PPFIBP2: variants seen among roughly 807,000 people sequenced by gnomAD.
PPFIBP2 encodes liprin-beta-2.
In PPFIBP2, 118 loss-of-function variants were observed where a neutral mutation model predicts 118.3. The ratio of observed to expected loss-of-function variants is 1.00; its 90% CI spans 0.86 to 1.16. The LOEUF (loss-of-function observed/expected upper bound fraction) is 1.16, where lower values mean the gene tolerates loss of function less well. Ranked by LOEUF, PPFIBP2 falls within the 50% of genes most tolerant of loss-of-function variation. The pLI is 0.00. For synonymous variants in PPFIBP2, 414 were observed against 397.4 expected (o/e 1.04, Z -0.50); for missense variants, 1,195 against 1,073.1 (o/e 1.11, Z -1.59).
the PPFIBP2 span, among the ~76,000 whole-genome samples, chr11:7,663,829 G>A: frequency 3.3e-5 from 5 of 152,232 alleles, no homozygotes; most frequent in African/African-American, 1.2e-4. Context: ...CTCCCAGCCA[G>A]GTGCGGGATA....
At chr11:7,665,911 TAGGG>T in the PPFIBP2 span, 3 of 1,535,964 alleles carry the variant, frequency 2.0e-6, no homozygotes, top group East Asian at 7.3e-5. Context: ...AATTGCTCAG[TAGGG>T]TAGCGCCCTC....
intron 2 of PPFIBP2, among the ~76,000 whole-genome samples, chr11:7,558,137 C>T (rs570800838): frequency 6.6e-6 from 1 of 152,172 alleles, no homozygotes; most frequent in South Asian, 2.1e-4. Context: ...AGGTTTATTT[C>T]TTGTACACAT....
intron 17 of PPFIBP2, among the ~76,000 whole-genome samples, 173 bp downstream of exon 17, chr11:7,642,599 GT>G (rs1852364506): frequency 6.6e-6 from 1 of 152,096 alleles, no homozygotes; most frequent in South Asian, 2.1e-4. Flanking sequence ...TATCTCCTAA[GT>G]TCTGAGTTAC....
chr11:7,608,169 A>G (rs1274208067), intron 5 of PPFIBP2, among the ~76,000 whole-genome samples: 4 of 152,242 alleles, frequency 2.6e-5, no homozygotes, highest in Non-Finnish European at 2.9e-5. Flanking sequence ...TATGTGCTCA[A>G]TGAAATCTTG....
chr11:7,606,229 A>G (rs925383078), intron 5 of PPFIBP2, among the ~76,000 whole-genome samples: 1 of 152,226 alleles, frequency 6.6e-6, no homozygotes, highest in African/African-American at 2.4e-5. Context: ...GTGGTCTCCA[A>G]TTGAAATGAC....
chr11:7,666,388 A>G, the PPFIBP2 span: 1 of 1,018,224 alleles, frequency 9.8e-7, no homozygotes, highest in East Asian at 2.4e-5. Context: ...GACAGAGACC[A>G]GTCCTCAAAG....
intron 12 of PPFIBP2, 114 bp downstream of exon 12, chr11:7,633,048 C>T (rs889068915): frequency 2.0e-5 from 18 of 910,698 alleles, no homozygotes; most frequent in Middle Eastern, 3.1e-4. Flanking sequence ...GTCCTAGGTG[C>T]ACCTGCCCCT....
At chr11:7,519,562 C>A (rs1849551037) in intron 1 of PPFIBP2, among the ~76,000 whole-genome samples, 1 of 152,112 alleles carries the variant, frequency 6.6e-6, no homozygotes, top group Non-Finnish European at 1.5e-5. Flanking sequence ...GGATATCTTG[C>A]CTGAGGCCTA....
intron 14 of PPFIBP2, among the ~76,000 whole-genome samples, chr11:7,638,631 ATC>A (rs1169999747): frequency 2.0e-5 from 3 of 152,202 alleles, no homozygotes; most frequent in African/African-American, 4.8e-5. Context: ...CCAGTTTGAA[ATC>A]TGTTTTGTTT....
At chr11:7,575,808 G>A (rs1032602425) in intron 3 of PPFIBP2, among the ~76,000 whole-genome samples, 1 of 152,214 alleles carries the variant, frequency 6.6e-6, no homozygotes, top group African/African-American at 2.4e-5. Flanking sequence ...GCCATAGCAC[G>A]GGCAGGGAAC....
chr11:7,549,961 G>T (rs1852778803), intron 2 of PPFIBP2, among the ~76,000 whole-genome samples: 1 of 152,182 alleles, frequency 6.6e-6, no homozygotes, highest in African/African-American at 2.4e-5. Flanking sequence ...GTGTTTCAGA[G>T]ATGAAAGGCA....
chr11:7,664,328 A>C, the PPFIBP2 span, among the ~76,000 whole-genome samples: 65 of 152,238 alleles, frequency 4.3e-4, no homozygotes, highest in Admixed American at 4.1e-3. Context: ...AGCCCAGTAC[A>C]ACCTAGGGAT....
chr11:7,603,145 A>G (rs968389437), intron 5 of PPFIBP2, among the ~76,000 whole-genome samples: 2 of 152,178 alleles, frequency 1.3e-5, no homozygotes, highest in Admixed American at 6.5e-5. Flanking sequence ...GGGAACACAA[A>G]TCTGTCTGAG....
chr11:7,579,574 C>G (rs762872513), intron 3 of PPFIBP2, among the ~76,000 whole-genome samples: 22 of 152,296 alleles, frequency 1.4e-4, no homozygotes, highest in Non-Finnish European at 3.1e-4. Flanking sequence ...CCAACATGTG[C>G]CTGGGATTGT....
At chr11:7,593,405 C>A (rs567637663) in intron 4 of PPFIBP2, among the ~76,000 whole-genome samples, 181 bp downstream of exon 4, 1 of 152,302 alleles carries the variant, frequency 6.6e-6, no homozygotes, top group African/African-American at 2.4e-5. Flanking sequence ...CAATTTAACT[C>A]TAGACTTGGC....
intron 1 of PPFIBP2, among the ~76,000 whole-genome samples, chr11:7,517,391 A>G (rs1849318414): frequency 6.6e-6 from 1 of 152,112 alleles, no homozygotes; most frequent in Admixed American, 6.5e-5. Flanking sequence ...AGCGGGGTTA[A>G]CTACAGATAG....
chr11:7,653,134 C>T lies in PPFIBP2; in HGVS notation c.2547C>T (p.His849=). ...CCAGTGACGGTGTCAGTGATAGTCA[C>T]AGGGTCTACAGTGGCTACCGGGGCC... is the stretch of plus-strand genomic sequence containing the variant. ...MEPSDGVSDS[H]RVYSGYRGLS... The change falls in exon 24 of 24, where the codon CAC becomes CAT. Residue 849 remains histidine (H), a synonymous_variant. Transcript: ENST00000299492. 1 of 1,614,240 alleles carries T rather than the reference C, an allele frequency of 6.2e-7. No individual in the cohort carries two copies. Among genetic ancestry groups the T allele is most frequent in the Non-Finnish European group, 8.5e-7 (1 of 1,180,038 alleles).
chr11:7,577,388 C>G, intron 3 of PPFIBP2: 1 of 344,024 alleles, frequency 2.9e-6, no homozygotes, highest in Middle Eastern at 1.0e-3. Flanking sequence ...TGAAGCAGCA[C>G]GGTCTGCTCT....
chr11:7,616,744 C>CA lies in PPFIBP2; in HGVS notation c.619-4190dup, dbSNP rs1048607275. ...AAGGGGAGTCGGTGTGTGTATCATG[C>CA]ATATGTGGAGAGAGGACGTGTTTGT... On this transcript the variant is annotated intron_variant, in intron 6 of 23. Coordinates refer to ENST00000299492, the MANE Select transcript of PPFIBP2 (RefSeq NM_003621.5). The surrounding 1 kb of genome is among the most constrained non-coding windows in gnomAD (Gnocchi z 5.2). Among the ~76,000 whole-genome samples, 1 of 151,536 alleles carries CA rather than the reference C, an allele frequency of 6.6e-6. No homozygotes were observed. Among genetic ancestry groups the CA allele is most frequent in the African/African-American group, 2.4e-5 (1 of 41,098 alleles).
Sources: allele counts gnomAD v4.1 joint callset (sites outside exome capture counted in the v4.1 genomes callset), GRCh38; gene constraint gnomAD v4.1.1; non-coding constraint Gnocchi (gnomAD v3.1); transcripts MANE v1.5; gene names NCBI Gene and HGNC (gene_info 2026-07-23, HGNC 2026-07-21).